Variants in FHIT observed in about 807,000 individuals in gnomAD.
The protein encoded by FHIT is fragile histidine triad diadenosine triphosphatase.
Under a neutral mutation model 17.9 loss-of-function variants are expected in FHIT, and 19 were observed. The observed-to-expected ratio is 1.06, with a 90% CI of 0.74 to 1.56. FHIT has a LOEUF of 1.56. Among genes scored for constraint, FHIT ranks in the 40% most tolerant of loss-of-function variants. The probability of loss-of-function intolerance (pLI) is 0.00; values close to 1 mark genes in which losing one functional copy is unlikely to be tolerated. For missense variants in FHIT, 248 were observed against 189.2 expected, an observed-to-expected ratio of 1.31 and a Z score of -1.82; for synonymous variants, 81 against 69.7, an observed-to-expected ratio of 1.16 and a Z score of -0.81.
intron 5 of FHIT, among the ~76,000 whole-genome samples, chr3:60,173,992 C>A (rs1417194640): frequency 7.0e-6 from 1 of 143,412 alleles, no homozygotes; most frequent in East Asian, 2.1e-4. Flanking sequence ...TGGTTCACTG[C>A]AACCTCCGCC....
At chr3:60,946,372 G>C (rs1187167916) in intron 3 of FHIT, among the ~76,000 whole-genome samples, 1 of 152,184 alleles carries the variant, frequency 6.6e-6, no homozygotes, top group Non-Finnish European at 1.5e-5. Flanking sequence ...CTCATGTACT[G>C]AATGACATTT....
chr3:61,026,769 T>C (rs1475043360), intron 3 of FHIT, among the ~76,000 whole-genome samples: 1 of 152,192 alleles, frequency 6.6e-6, no homozygotes, highest in Non-Finnish European at 1.5e-5. Context: ...CTGCTAAAGC[T>C]TACAATGAGC....
chr3:60,872,255 A>G (rs1364517854), intron 3 of FHIT, among the ~76,000 whole-genome samples: 4 of 152,164 alleles, frequency 2.6e-5, no homozygotes, highest in African/African-American at 9.6e-5. Context: ...TGCAAAAAAC[A>G]TTTGTAGGCA....
chr3:60,566,409 C>T (rs6446136), intron 4 of FHIT, among the ~76,000 whole-genome samples: 75,627 of 151,884 alleles, frequency 0.5, 19,026 homozygotes, highest in Admixed American at 0.6. Context: ...AATTCAACAA[C>T]GCTTCATGCT....
At chr3:60,655,179 T>C (rs1462821043) in intron 4 of FHIT, among the ~76,000 whole-genome samples, 2 of 152,088 alleles carry the variant, frequency 1.3e-5, no homozygotes, top group African/African-American at 4.8e-5. Flanking sequence ...AATATGGAAG[T>C]AAGACCAGGA....
At chr3:59,833,257 G>A (rs142169204) in intron 8 of FHIT, among the ~76,000 whole-genome samples, 200 of 152,246 alleles carry the variant, frequency 1.3e-3, no homozygotes, top group Middle Eastern at 0.01. Context: ...TTTGGAAATG[G>A]CATTGAGGAT....
chr3:60,151,951 T>G (rs928083519), intron 5 of FHIT, among the ~76,000 whole-genome samples: 1 of 152,176 alleles, frequency 6.6e-6, no homozygotes, highest in East Asian at 1.9e-4. Context: ...ATAATCCCTA[T>G]GGGCACAAGT....
At chr3:60,623,017 C>G (rs556875842) in intron 4 of FHIT, among the ~76,000 whole-genome samples, 1 of 152,296 alleles carries the variant, frequency 6.6e-6, no homozygotes, top group East Asian at 1.9e-4. Context: ...TGGGTGCAAA[C>G]ATAATCAGCC....
At chr3:60,407,597 C>A (rs1433839948) in intron 5 of FHIT, among the ~76,000 whole-genome samples, 1 of 152,118 alleles carries the variant, frequency 6.6e-6, no homozygotes, top group East Asian at 1.9e-4. Flanking sequence ...TCACTGCAAC[C>A]CCCGCCTCCA....
chr3:59,969,417 A>C (rs111634882), intron 7 of FHIT, among the ~76,000 whole-genome samples: 99 of 152,228 alleles, frequency 6.5e-4, no homozygotes, highest in African/African-American at 2.3e-3. Flanking sequence ...TTGGGCTCTA[A>C]TATGAGTTAA....
chr3:59,787,904 T>A (rs1164776925), intron 8 of FHIT, among the ~76,000 whole-genome samples: 1 of 152,180 alleles, frequency 6.6e-6, no homozygotes, highest in Non-Finnish European at 1.5e-5. Context: ...CCTTCCTAGC[T>A]ACCATCTATG....
chr3:60,500,315 C>T (rs1240834244), intron 5 of FHIT, among the ~76,000 whole-genome samples: 1 of 151,646 alleles, frequency 6.6e-6, no homozygotes, highest in African/African-American at 2.4e-5. Flanking sequence ...TCCTGGTCTA[C>T]TACACAGTAT....
intron 5 of FHIT, among the ~76,000 whole-genome samples, chr3:60,157,302 A>T (rs1230418952): frequency 6.6e-6 from 1 of 152,182 alleles, no homozygotes; most frequent in East Asian, 1.9e-4. Flanking sequence ...TAGCAGGCAC[A>T]TCAAGAGCTT....
In FHIT at chr3:61,251,440, C is replaced by A. The variant is rs1432048552; in HGVS notation, c.-352G>T. 2.0e-5 allele frequency: 3 copies of A among 152,446 alleles called. No individual in the cohort carries two copies. The highest frequency in any genetic ancestry group is 7.2e-5 in the African/African-American group (3 of 41,464). The allele number at this position is 152,446 out of a possible 1,614,324, so 9.4% of individuals were successfully genotyped here. Reference sequence around the variant, plus strand: ...CAAAAAGTCCTGTGACCGGACAGAGCAGAGCGGGGACTGCAATTCCCAGAA... The same window carrying A: ...CAAAAAGTCCTGTGACCGGACAGAGAAGAGCGGGGACTGCAATTCCCAGAA... On this transcript the variant is annotated 5_prime_UTR_variant, in exon 1 of 10. Transcript: ENST00000492590.
At chr3:61,140,691 C>T (rs954772250) in intron 2 of FHIT, among the ~76,000 whole-genome samples, 6 of 152,086 alleles carry the variant, frequency 3.9e-5, no homozygotes, top group Non-Finnish European at 8.8e-5. Flanking sequence ...TCTAGAAGAA[C>T]GTCCTACCTT....
intron 2 of FHIT, among the ~76,000 whole-genome samples, chr3:61,104,931 T>C (rs930107017): frequency 1.1e-4 from 17 of 152,192 alleles, no homozygotes; most frequent in Non-Finnish European, 7.3e-5. Flanking sequence ...AATTACATTC[T>C]TTTCTATATT....
At chr3:60,452,273 C>T (rs1245709976) in intron 5 of FHIT, among the ~76,000 whole-genome samples, 1 of 152,122 alleles carries the variant, frequency 6.6e-6, no homozygotes, top group Non-Finnish European at 1.5e-5. Flanking sequence ...ACTTCCTGAG[C>T]ACTGCACCAA....
chr3:60,514,057 C>T (rs1576792378), intron 5 of FHIT, among the ~76,000 whole-genome samples: 2 of 152,158 alleles, frequency 1.3e-5, no homozygotes, highest in African/African-American at 2.4e-5. Context: ...ATTCCCTTTC[C>T]AGCTCCCCAT....
At chr3:60,985,884 G>T (rs1028325061) in intron 3 of FHIT, among the ~76,000 whole-genome samples, 7 of 152,188 alleles carry the variant, frequency 4.6e-5, no homozygotes, top group African/African-American at 1.7e-4. Context: ...GGAGGCTCCA[G>T]GGTAGAATCC....
Sources: allele counts gnomAD v4.1 joint callset (sites outside exome capture counted in the v4.1 genomes callset), GRCh38; gene constraint gnomAD v4.1.1; transcripts MANE v1.5; gene names NCBI Gene and HGNC (gene_info 2026-07-23, HGNC 2026-07-21).